The following USP16 variants were observed in gnomAD, a reference collection of about 807,000 sequenced individuals.
USP16 encodes the protein ubiquitin carboxyl-terminal hydrolase 16.
USP16 carries 77 observed loss-of-function variants against 95.9 expected under a neutral mutation model. The ratio of observed to expected loss-of-function variants is 0.80; its 90% CI spans 0.67 to 0.97. The LOEUF (loss-of-function observed/expected upper bound fraction) is 0.97, where lower values mean the gene tolerates loss of function less well. Ranked by LOEUF, USP16 falls within the 50% of genes least tolerant of loss-of-function variation. The probability of loss-of-function intolerance (pLI) is 0.00; values close to 1 mark genes in which losing one functional copy is unlikely to be tolerated. For synonymous variants in USP16, 303 were observed against 318.2 expected (o/e 0.95, Z 0.51); for missense variants, 943 against 959.9 (o/e 0.98, Z 0.23).
intron 1 of USP16, chr21:29,025,797 T>C: frequency 1.1e-6 from 1 of 914,720 alleles, no homozygotes; most frequent in Non-Finnish European, 1.3e-6. Context: ...TCTATTTCAA[T>C]GCAAGAAGTA....
At chr21:29,052,659 G>A (rs1445152637) in intron 16 of USP16, 1 of 152,234 alleles carries the variant, frequency 6.6e-6, no homozygotes, top group Non-Finnish European at 1.5e-5. Context: ...CATAGGTGAG[G>A]AGAATATGAG....
At chr21:29,025,766 C>A (rs1037243998) in intron 1 of USP16, 2 of 976,988 alleles carry the variant, frequency 2.0e-6, no homozygotes, top group Non-Finnish European at 2.4e-6. Context: ...ATCCTTTATG[C>A]CTCAGGTACT....
chr21:29,041,130 G>T (rs570121998), intron 10 of USP16, among the ~76,000 whole-genome samples: 1 of 152,062 alleles, frequency 6.6e-6, no homozygotes, highest in Non-Finnish European at 1.5e-5. Context: ...CACGTGTGGC[G>T]CCTGAAATGT....
chr21:29,048,062 T>TGTGC (rs1555858989), intron 14 of USP16, among the ~76,000 whole-genome samples: 30 of 144,484 alleles, frequency 2.1e-4, no homozygotes, highest in Non-Finnish European at 6.0e-5. Context: ...TGTGTGTGTG[T>TGTGC]GTGTGTGTGT....
At chr21:29,040,236 T>C (rs2085223433) in intron 9 of USP16, among the ~76,000 whole-genome samples, 1 of 152,096 alleles carries the variant, frequency 6.6e-6, no homozygotes, top group Non-Finnish European at 1.5e-5. Flanking sequence ...TAGTTTAAGG[T>C]CCCCCAGAAA....
Position 29,051,344 on chromosome 21 carries a change from G to C in USP16, c.2193+1166G>C, listed in dbSNP as rs544969151. Among the ~76,000 whole-genome samples the C allele has an allele frequency of 2.8e-4, 42 of 152,276 alleles. No homozygotes were observed. The South Asian group carries it at 3.9e-3, about 14-fold the overall frequency. ...AGACCTATAGCAGAGAGGTTAGGAT[G>C]GGCCCAGGGCACAGATTTAGAAATC... On this transcript the variant is annotated intron_variant, in intron 16 of 17. Coordinates refer to ENST00000399976, the MANE Select transcript of USP16 (RefSeq NM_006447.3).
intron 13 of USP16, among the ~76,000 whole-genome samples, chr21:29,045,295 GTTCT>G (rs1392337362): frequency 6.6e-6 from 1 of 152,044 alleles, no homozygotes; most frequent in African/African-American, 2.4e-5. Flanking sequence ...TGTTCTTTCA[GTTCT>G]TTCTGTTACA....
chr21:29,053,053 T>C (rs951329286), intron 16 of USP16: 1 of 152,228 alleles, frequency 6.6e-6, no homozygotes, highest in Non-Finnish European at 1.5e-5. Flanking sequence ...CTGGGTGTGG[T>C]TGACTAAAAT....
At chr21:29,053,083 T>C (rs2085440631) in intron 16 of USP16, 1 of 152,266 alleles carries the variant, frequency 6.6e-6, no homozygotes, top group Non-Finnish European at 1.5e-5. Flanking sequence ...TTTAAAGTCC[T>C]GTGAGAATCA....
intron 2 of USP16, among the ~76,000 whole-genome samples, chr21:29,028,361 A>T (rs914148630): frequency 2.0e-5 from 3 of 151,628 alleles, no homozygotes; most frequent in African/African-American, 7.3e-5. Context: ...TCCTGGCCTC[A>T]AGTGATCCGC....
intron 10 of USP16, 121 bp downstream of exon 10, chr21:29,040,808 C>T (rs969637153): frequency 1.4e-5 from 6 of 432,226 alleles, no homozygotes; most frequent in African/African-American, 2.1e-5. Flanking sequence ...TCTTTATCAA[C>T]GTTGATTAGT....
Position 29,053,928 on chromosome 21 carries a change from A to C in USP16, c.2320A>C (p.Asn774His), listed in dbSNP as rs761788906. 1 of 1,614,238 alleles carries C rather than the reference A, an allele frequency of 6.2e-7. No individual in the cohort carries two copies. The highest frequency in any genetic ancestry group is 1.1e-5 in the South Asian group (1 of 91,086). Residue 774 changes from asparagine to histidine, a missense_variant, in exon 17 of 18, where the codon AAT becomes CAT. By Grantham distance (68) the Asn-to-His change is moderately conservative (BLOSUM62 1). Coordinates refer to ENST00000399976, the MANE Select transcript of USP16 (RefSeq NM_006447.3). Reference protein sequence around the residue: ...KARTANSHLSNLVLHGDIPQD... With the variant: ...KARTANSHLSHLVLHGDIPQD... The stretch of plus-strand genomic sequence containing the variant: ...AAGAACCGCAAATAGTCATCTCTCT[A>C]ATCTTGTTCTTCACGGTGATATTCC...
intron 11 of USP16, 95 bp from the exon 12 acceptor site, chr21:29,042,377 C>A: frequency 1.6e-6 from 2 of 1,234,364 alleles, no homozygotes; most frequent in Non-Finnish European, 2.3e-6. Flanking sequence ...TTTTAAAACC[C>A]ATCCCCTACT....
intron 9 of USP16, 74 bp downstream of exon 9, chr21:29,039,642 G>A (rs2146378977): frequency 1.4e-6 from 2 of 1,407,868 alleles, no homozygotes; most frequent in East Asian, 2.5e-5. Flanking sequence ...TATCTTACGA[G>A]TTAAAACAAT....
Position 29,053,905 on chromosome 21 carries a change from G to A in USP16, c.2297G>A (p.Arg766Lys). ...CATTACACTGCCTATGCCAAGGCAA[G>A]AACCGCAAATAGTCATCTCTCTAAT... Reference protein sequence around the residue: ...SGHYTAYAKARTANSHLSNLV... With the variant: ...SGHYTAYAKAKTANSHLSNLV... The change falls in exon 17 of 18, where the codon AGA (arginine) becomes AAA (lysine). Residue 766 changes from arginine (R) to lysine (K), a missense_variant. Transcript: ENST00000399976. 1 of 1,614,250 alleles carries A rather than the reference G, an allele frequency of 6.2e-7. No individual in the cohort carries two copies. Among genetic ancestry groups the A allele is most frequent in the Non-Finnish European group, 8.5e-7 (1 of 1,180,050 alleles).
At chr21:29,036,494 C>T in intron 5 of USP16, 120 bp downstream of exon 5, 1 of 927,654 alleles carries the variant, frequency 1.1e-6, no homozygotes, top group Non-Finnish European at 1.6e-6. Context: ...TGGTTGATTG[C>T]AAACTATGAA....
rs764246026 is a variant in USP16, at chr21:29,043,564, A to G, written c.1321A>G (p.Lys441Glu). The G allele has an allele frequency of 1.3e-6, 2 of 1,568,042 alleles. No individual in the cohort carries two copies. Among genetic ancestry groups the G allele is most frequent in the Non-Finnish European group, 1.7e-6 (2 of 1,163,906 alleles). ...TTCTGGAACAAGTAAGCACTTACAGAAAAAAGCAAAGAAACAAGCCAAAAA... is the reference window on the plus strand; with the variant it reads ...TTCTGGAACAAGTAAGCACTTACAGGAAAAAGCAAAGAAACAAGCCAAAAA... ...IPSGTSKHLQ[K>E]KAKKQAKKQA... The change falls in exon 13 of 18, where the codon AAA becomes GAA. Residue 441 changes from lysine (K) to glutamate (E), a missense_variant. Coordinates refer to ENST00000399976, the MANE Select transcript of USP16 (RefSeq NM_006447.3).
intron 9 of USP16, among the ~76,000 whole-genome samples, chr21:29,039,894 C>A (rs930006992): frequency 6.6e-6 from 1 of 152,154 alleles, no homozygotes; most frequent in African/African-American, 2.4e-5. Flanking sequence ...GTGCAGCACA[C>A]CCTTACTTTT....
In USP16 at chr21:29,042,046, T is replaced by C. The variant is rs896017223; in HGVS notation, c.1064T>C (p.Val355Ala). 9 of 1,613,434 alleles carry C rather than the reference T, an allele frequency of 5.6e-6. No individual in the cohort carries two copies. The highest frequency in any genetic ancestry group is 7.6e-6 in the Non-Finnish European group (9 of 1,179,632). The change falls in exon 11 of 18, where the codon GTT (valine) becomes GCT (alanine). Residue 355 changes from valine to alanine, a missense_variant. By Grantham distance (64) the Val-to-Ala change is moderately conservative. Transcript: ENST00000399976. ...YEKKKSMPSFVDRIFGGELTS... is the reference protein window; with the variant it reads ...YEKKKSMPSFADRIFGGELTS... ...AAGAAAAAATCAATGCCAAGTTTTG[T>C]TGACCGCATCTTTGGTGGTGAACTA...
Sources: allele counts gnomAD v4.1 joint callset (sites outside exome capture counted in the v4.1 genomes callset), GRCh38; gene constraint gnomAD v4.1.1; transcripts MANE v1.5; gene names NCBI Gene and HGNC (gene_info 2026-07-23, HGNC 2026-07-21).